Variants in ME3 observed in about 807,000 individuals in gnomAD.
ME3 encodes the protein NADP-dependent malic enzyme, mitochondrial.
ME3 carries 48 observed loss-of-function variants against 68.9 expected under a neutral mutation model. That is an observed-to-expected ratio of 0.70 (90% confidence interval 0.55 to 0.89). The LOEUF is 0.89. ME3 is among the 40% of genes least tolerant of loss of function. The pLI, the probability that ME3 is intolerant of heterozygous loss-of-function variation, is 0.00. For synonymous variants in ME3, 320 were observed against 318.8 expected, an observed-to-expected ratio of 1.00 and a Z score of -0.04; for missense variants, 675 against 797.4, an observed-to-expected ratio of 0.85 and a Z score of 1.85.
chr11:86,495,149 C>G (rs1000866750), intron 6 of ME3, among the ~76,000 whole-genome samples: 1 of 152,128 alleles, frequency 6.6e-6, no homozygotes, highest in Non-Finnish European at 1.5e-5. Context: ...GGCTCCTAGC[C>G]CTGCCGCTTC....
chr11:86,486,681 C>T (rs1181439216), intron 7 of ME3, among the ~76,000 whole-genome samples: 1 of 152,252 alleles, frequency 6.6e-6, no homozygotes, highest in Non-Finnish European at 1.5e-5. Context: ...TTGACCAGCT[C>T]TTCTCTCAGA....
intron 4 of ME3, among the ~76,000 whole-genome samples, chr11:86,518,748 T>C (rs1954061402): frequency 1.3e-5 from 2 of 152,212 alleles, no homozygotes; most frequent in Admixed American, 1.3e-4. Context: ...TGTGACCCTA[T>C]TTGGAATAGG....
intron 2 of ME3, among the ~76,000 whole-genome samples, chr11:86,628,619 A>G (rs1943812033): frequency 6.6e-6 from 1 of 152,150 alleles, no homozygotes; most frequent in Non-Finnish European, 1.5e-5. Flanking sequence ...TTTGATACTA[A>G]GGTCTATTTT....
intron 2 of ME3, among the ~76,000 whole-genome samples, chr11:86,664,321 A>G (rs1946461852): frequency 6.6e-6 from 1 of 152,250 alleles, no homozygotes; most frequent in Non-Finnish European, 1.5e-5. Context: ...AATAACATTC[A>G]TGAGTATACA....
At chr11:86,607,812 T>C (rs974121452) in intron 2 of ME3, among the ~76,000 whole-genome samples, 3 of 152,144 alleles carry the variant, frequency 2.0e-5, no homozygotes, top group African/African-American at 4.8e-5. Context: ...TCTGGAGCCA[T>C]GCAGAATACG....
rs1410710719 is a variant in ME3, at chr11:86,634,278, T to C, written c.183+37484A>G. ...GGTTGTATGGAGCCAGAGCTTGGGT[T>C]CATGTCTCTACATGGGTACCACAGT... On this transcript the variant is annotated intron_variant, in intron 2 of 14. Coordinates refer to ENST00000543262, the Ensembl canonical transcript of ME3. 6.6e-5 allele frequency among the ~76,000 whole-genome samples: 10 copies of C among 152,324 alleles called. No homozygotes were observed. The East Asian group carries it at 1.9e-3, about 29-fold the overall frequency.
At chr11:86,659,896 TTGGC>T (rs1263261526) in intron 2 of ME3, among the ~76,000 whole-genome samples, 1 of 152,094 alleles carries the variant, frequency 6.6e-6, no homozygotes, top group Non-Finnish European at 1.5e-5. Flanking sequence ...AGATCCAAAT[TTGGC>T]TGGATCTATT....
At chr11:86,658,067 T>C (rs1330271737) in intron 2 of ME3, among the ~76,000 whole-genome samples, 1 of 151,994 alleles carries the variant, frequency 6.6e-6, no homozygotes, top group East Asian at 1.9e-4. Context: ...AGGCGGTCTT[T>C]AAGGAAGAAG....
At chr11:86,637,838 C>G (rs17149226) in intron 2 of ME3, among the ~76,000 whole-genome samples, 14,389 of 152,096 alleles carry the variant, frequency 0.095, 701 homozygotes, top group South Asian at 0.13. Flanking sequence ...GTCCAGATGA[C>G]ATCCTGAACT....
At chr11:86,526,425 A>G (rs1012143535) in intron 4 of ME3, among the ~76,000 whole-genome samples, 2 of 152,210 alleles carry the variant, frequency 1.3e-5, no homozygotes, top group South Asian at 2.1e-4. Context: ...CTGCCTCTGT[A>G]GACTCCACCT....
chr11:86,540,834 C>T (rs1955999007), intron 4 of ME3, among the ~76,000 whole-genome samples: 1 of 152,198 alleles, frequency 6.6e-6, no homozygotes, highest in African/African-American at 2.4e-5. Context: ...TAAGCCACTA[C>T]TGAAGTGGCT....
chr11:86,495,374 C>G (rs945903220), intron 6 of ME3, among the ~76,000 whole-genome samples: 2 of 152,224 alleles, frequency 1.3e-5, no homozygotes, highest in Non-Finnish European at 1.5e-5. Context: ...TTCAGCATAT[C>G]ATTGCTGAGT....
chr11:86,527,813 T>A (rs112783051), intron 4 of ME3, among the ~76,000 whole-genome samples: 1 of 152,122 alleles, frequency 6.6e-6, no homozygotes, highest in Non-Finnish European at 1.5e-5. Flanking sequence ...GCTGAGAGAT[T>A]TTGTCACCAC....
At chr11:86,599,815 G>T (rs931762046) in intron 2 of ME3, among the ~76,000 whole-genome samples, 4 of 152,128 alleles carry the variant, frequency 2.6e-5, no homozygotes, top group African/African-American at 4.8e-5. Context: ...TTAAAGAAAA[G>T]AATTTTCAAC....
chr11:86,511,371 G>C (rs1363453417), intron 4 of ME3, among the ~76,000 whole-genome samples: 1 of 152,138 alleles, frequency 6.6e-6, no homozygotes, highest in Non-Finnish European at 1.5e-5. Context: ...CAGCCACACT[G>C]GTCTTTTTCC....
Position 86,518,166 on chromosome 11 carries a change from A to G in ME3, c.468-9299T>C, listed in dbSNP as rs575528745. On this transcript the variant is annotated intron_variant, in intron 4 of 14. Transcript: ENST00000543262. ...AATTTGAAGTTGTGAAGGCTGTCCC[A>G]TCCTCAAATATGCCATCTCGTTAAT... Among the ~76,000 whole-genome samples, 4 of 152,322 alleles carry G rather than the reference A, an allele frequency of 2.6e-5. No homozygotes were observed. In the South Asian group the frequency reaches 8.3e-4, roughly 32 times the overall value.
At chr11:86,624,728 TTC>T (rs1767630852) in intron 2 of ME3, among the ~76,000 whole-genome samples, 2 of 152,236 alleles carry the variant, frequency 1.3e-5, no homozygotes, top group Admixed American at 6.5e-5. Context: ...TCTTCGGCTT[TTC>T]TCTGTTATTT....
At chr11:86,630,125 G>C (rs978077603) in intron 2 of ME3, among the ~76,000 whole-genome samples, 12 of 151,998 alleles carry the variant, frequency 7.9e-5, no homozygotes, top group Admixed American at 5.9e-4. Context: ...TTGTTGTTTT[G>C]ATCTATTTTA....
intron 8 of ME3, chr11:86,457,437 G>T: frequency 1.1e-6 from 1 of 928,260 alleles, no homozygotes; most frequent in Non-Finnish European, 1.3e-6. Context: ...CTTCTTTCTT[G>T]ACCTCTCAGC....
Sources: allele counts gnomAD v4.1 joint callset (sites outside exome capture counted in the v4.1 genomes callset), GRCh38; gene constraint gnomAD v4.1.1; transcripts MANE v1.5; gene names NCBI Gene and HGNC (gene_info 2026-07-23, HGNC 2026-07-21).